CFAP100: variants seen among roughly 807,000 people sequenced by gnomAD.
The protein encoded by CFAP100 is cilia and flagella associated protein 100, also known as cilia- and flagella-associated protein 100.
CFAP100 carries 70 observed loss-of-function variants against 81.5 expected under a neutral mutation model. The ratio of observed to expected loss-of-function variants is 0.86; its 90% confidence interval spans 0.71 to 1.05. The LOEUF (loss-of-function observed/expected upper bound fraction) is 1.05. CFAP100 is among the 50% of genes least tolerant of loss of function. The pLI, the probability that CFAP100 is intolerant of heterozygous loss-of-function variation, is 0.00. For synonymous variants in CFAP100, 341 were observed against 314.8 expected, an observed-to-expected ratio of 1.08 and a Z score of -0.88; for missense variants, 811 against 776.5, an observed-to-expected ratio of 1.04 and a Z score of -0.53.
At position 126,423,497 on chromosome 3, in the gene CFAP100, C is replaced by G; in HGVS notation, c.1139C>G (p.Pro380Arg). The G allele has an allele frequency of 6.2e-7, 1 of 1,614,054 alleles. No homozygotes were observed. The highest frequency in any genetic ancestry group is 8.5e-7 in the Non-Finnish European group (1 of 1,179,972). ...QEDTDSDGEEPQLYFTEPQQL... is the reference protein window; with the variant it reads ...QEDTDSDGEERQLYFTEPQQL... Reference sequence around the variant, plus strand: ...GCCAAAACCTGTGGGTTGCAGGAACCACAGCTGTACTTCACGGAGCCCCAG... The same window carrying G: ...GCCAAAACCTGTGGGTTGCAGGAACGACAGCTGTACTTCACGGAGCCCCAG... Residue 380 changes from proline to arginine, a missense_variant, in exon 13 of 17, where the codon CCA becomes CGA. Physicochemically the swap from Pro to Arg is moderately radical, Grantham distance 103 (BLOSUM62 -2). Transcript: ENST00000352312.
chr3:126,399,261 C>A (rs982397783), intron 2 of CFAP100, among the ~76,000 whole-genome samples: 2 of 152,286 alleles, frequency 1.3e-5, no homozygotes, highest in African/African-American at 4.8e-5. Context: ...GACATTTGTT[C>A]CCCCAGAGCC....
intron 4 of CFAP100, chr3:126,414,469 A>G: frequency 3.3e-6 from 2 of 613,122 alleles, no homozygotes; most frequent in Non-Finnish European, 5.8e-6. Context: ...CGCCACTTCC[A>G]CTGCTGCCTG....
At chr3:126,414,651 C>T (rs564341378) in intron 4 of CFAP100, among the ~76,000 whole-genome samples, 3 of 152,366 alleles carry the variant, frequency 2.0e-5, no homozygotes, top group Non-Finnish European at 4.4e-5. Flanking sequence ...CACGCACACA[C>T]GTGCTCCTCC....
intron 16 of CFAP100, 53 bp from the exon 17 acceptor site, chr3:126,436,238 T>C: frequency 7.0e-7 from 1 of 1,423,868 alleles, no homozygotes; most frequent in Admixed American, 1.8e-5. Context: ...CAGGGGTATA[T>C]GGGCATACGG....
intron 13 of CFAP100, among the ~76,000 whole-genome samples, chr3:126,431,405 C>T (rs1933220621): frequency 6.6e-6 from 1 of 152,110 alleles, no homozygotes; most frequent in Non-Finnish European, 1.5e-5. Flanking sequence ...TTCTCCTTCC[C>T]CCAACAGGAG....
At chr3:126,434,777 C>T (rs1336236266) in intron 15 of CFAP100, among the ~76,000 whole-genome samples, 2 of 152,174 alleles carry the variant, frequency 1.3e-5, no homozygotes, top group East Asian at 3.9e-4. Context: ...TGGGGCTGGA[C>T]TGGAGGGGCT....
At chr3:126,402,693 C>T (rs935485790) in intron 2 of CFAP100, among the ~76,000 whole-genome samples, 3 of 151,536 alleles carry the variant, frequency 2.0e-5, no homozygotes, top group Non-Finnish European at 4.4e-5. Context: ...TTAGCTAATC[C>T]GAGGGGGAGG....
chr3:126,403,383 C>CT (rs10707460), intron 2 of CFAP100, among the ~76,000 whole-genome samples: 10,073 of 117,572 alleles, frequency 0.086, 506 homozygotes, highest in Middle Eastern at 0.11. Flanking sequence ...TGTATTTTAT[C>CT]TTTTTTTTTT....
chr3:126,434,858 G>A (rs554176019), intron 15 of CFAP100, among the ~76,000 whole-genome samples: 6 of 152,304 alleles, frequency 3.9e-5, no homozygotes, highest in East Asian at 3.9e-4. Context: ...TTGCTGGAGC[G>A]GAAGACAAAG....
intron 8 of CFAP100, 58 bp downstream of exon 8, chr3:126,419,214 T>C (rs2083291496): frequency 7.5e-6 from 9 of 1,201,922 alleles, no homozygotes; most frequent in African/African-American, 1.5e-5. Flanking sequence ...CCTCAGTCAT[T>C]TTGCCTGGCC....
At chr3:126,411,696 A>G (rs560268090) in intron 3 of CFAP100, among the ~76,000 whole-genome samples, 24 of 152,178 alleles carry the variant, frequency 1.6e-4, no homozygotes, top group African/African-American at 5.1e-4. Context: ...GTTTGTGCAC[A>G]TACATGTTCG....
intron 3 of CFAP100, 118 bp from the exon 4 acceptor site, chr3:126,413,967 C>T: frequency 1.3e-6 from 1 of 742,572 alleles, no homozygotes. Flanking sequence ...CCAGGGGGAA[C>T]CTTCCCACTC....
At chr3:126,426,879 A>G (rs1932969472) in intron 13 of CFAP100, among the ~76,000 whole-genome samples, 4 of 152,366 alleles carry the variant, frequency 2.6e-5, no homozygotes, top group Admixed American at 2.0e-4. Context: ...GTAATGTGCA[A>G]GTGGACTTCA....
chr3:126,402,222 A>C (rs934086533), intron 2 of CFAP100, among the ~76,000 whole-genome samples: 2 of 152,184 alleles, frequency 1.3e-5, no homozygotes, highest in Admixed American at 6.5e-5. Context: ...GAGGGATGGG[A>C]CAAACATGGC....
Position 126,423,486 on chromosome 3 carries a change from G to A in CFAP100, c.1135-7G>A, listed in dbSNP as rs771050824. On this transcript the variant is annotated splice_region_variant and splice_polypyrimidine_tract_variant and intron_variant, in intron 12 of 16. Transcript: ENST00000352312. ...GTCCAGTCCCTGCCAAAACCTGTGGGTTGCAGGAACCACAGCTGTACTTCA... is the reference window on the plus strand; with the variant it reads ...GTCCAGTCCCTGCCAAAACCTGTGGATTGCAGGAACCACAGCTGTACTTCA... The A allele has an allele frequency of 6.2e-7, 1 of 1,613,872 alleles. No individual in the cohort carries two copies.
rs753715939 is a variant in CFAP100 at position 126,433,069 on chromosome 3, G to T, written c.1287G>T (p.Met429Ile). ...SHTLKHTQIRMDREVNQLKQW... is the reference protein window; with the variant it reads ...SHTLKHTQIRIDREVNQLKQW... ...CCCTGCCGGTTTTCCCCTCTTCCAG[G>T]GACAGGGAGGTCAACCAGCTGAAGC... Residue 429 changes from methionine (M) to isoleucine (I), a missense_variant and splice_region_variant, in exon 14 of 17, where the codon ATG becomes ATT. Transcript: ENST00000352312. The T allele has an allele frequency of 6.2e-7, 1 of 1,613,894 alleles. No individual in the cohort carries two copies. The highest frequency in any genetic ancestry group is 2.2e-5 in the East Asian group (1 of 44,872).
chr3:126,433,356 A>G (rs1173326344), intron 14 of CFAP100, 152 bp downstream of exon 14: 2 of 871,390 alleles, frequency 2.3e-6, no homozygotes, highest in Non-Finnish European at 3.6e-6. Context: ...TCCAGGAGCC[A>G]CCACATGTAT....
At chr3:126,396,146 C>T in intron 2 of CFAP100, 97 bp downstream of exon 2, 1 of 930,084 alleles carries the variant, frequency 1.1e-6, no homozygotes, top group Non-Finnish European at 1.8e-6. Flanking sequence ...AAACCAAACA[C>T]TAGGCAGGAG....
chr3:126,433,187 T>C lies in CFAP100; in HGVS notation c.1405T>C (p.Tyr469His). The C allele has an allele frequency of 6.2e-7, 1 of 1,614,046 alleles. No homozygotes were observed. Among genetic ancestry groups the C allele is most frequent in the Non-Finnish European group, 8.5e-7 (1 of 1,179,996 alleles). ...AGCCCGAGTCTTCCACTTCGGCGAG[T>C]ACAAGGGCGATCAGCAGGTAGGCTG... is the stretch of plus-strand genomic sequence containing the variant. Reference protein sequence around the residue: ...LKARVFHFGEYKGDQQDKLLE... With the variant: ...LKARVFHFGEHKGDQQDKLLE... Residue 469 changes from tyrosine to histidine, a missense_variant, in exon 14 of 17, where the codon TAC becomes CAC. Coordinates refer to ENST00000352312, the MANE Select transcript of CFAP100 (RefSeq NM_182628.3).
Sources: allele counts gnomAD v4.1 joint callset (sites outside exome capture counted in the v4.1 genomes callset), GRCh38; gene constraint gnomAD v4.1.1; transcripts MANE v1.5; gene names NCBI Gene and HGNC (gene_info 2026-07-23, HGNC 2026-07-21).